The following ZNF592 variants were observed in gnomAD, a reference collection of about 807,000 sequenced individuals.
ZNF592 encodes spinocerebellar ataxia, autosomal recessive 5.
A neutral mutation model predicts 80.3 loss-of-function variants in ZNF592; 11 were observed. The ratio of observed to expected loss-of-function variants is 0.14; its 90% CI spans 0.09 to 0.23. ZNF592 has a LOEUF of 0.23. ZNF592 is among the 10% of genes least tolerant of loss of function. The pLI is 1.00. For missense variants in ZNF592, 1,420 were observed against 1,633.9 expected, an observed-to-expected ratio of 0.87 and a Z score of 2.26; for synonymous variants, 646 against 640.3, an observed-to-expected ratio of 1.01 and a Z score of -0.13.
intron 1 of ZNF592, among the ~76,000 whole-genome samples, chr15:84,763,318 G>A (rs999570430): frequency 6.6e-5 from 10 of 152,208 alleles, no homozygotes; most frequent in Non-Finnish European, 1.3e-4. Flanking sequence ...TGACACTCAG[G>A]TTTGTTAGCC....
chr15:84,773,784 A>T (rs923677664), intron 2 of ZNF592, among the ~76,000 whole-genome samples: 1 of 152,168 alleles, frequency 6.6e-6, no homozygotes, highest in Admixed American at 6.5e-5. Context: ...TCTCATTAGA[A>T]AGCCCTTTCA....
At chr15:84,767,248 A>G (rs1261935430) in intron 2 of ZNF592, among the ~76,000 whole-genome samples, 9 of 152,018 alleles carry the variant, frequency 5.9e-5, no homozygotes. Context: ...GTGGTCTCGA[A>G]CTCCTGAGCT....
Position 84,798,846 on chromosome 15 carries a change from GTGTCCCACAT to G in ZNF592, c.2996_3005del (p.Val999GlyfsTer9). On this transcript the variant is annotated frameshift_variant, in exon 8 of 11. Coordinates refer to ENST00000560079, the MANE Select transcript of ZNF592 (RefSeq NM_014630.3). LOFTEE classifies it high-confidence loss of function. This position sits in a 1 kb window ranked among gnomAD's most constrained non-coding sequence, Gnocchi z 4.5. ...GTGGGTTCCAGATCGGGAGAGCTACGTGTCCCACATGAAAAAGAGCCACGGTCGGGTAAGT... is the reference window on the plus strand; with the variant it reads ...GTGGGTTCCAGATCGGGAGAGCTACGGAAAAAGAGCCACGGTCGGGTAAGT... 6.3e-7 allele frequency: 1 copy of G among 1,599,172 alleles called. No homozygotes were observed. The highest frequency in any genetic ancestry group is 1.1e-5 in the South Asian group (1 of 90,984).
intron 2 of ZNF592, among the ~76,000 whole-genome samples, chr15:84,776,786 T>C (rs1962264380): frequency 6.6e-6 from 1 of 151,660 alleles, no homozygotes; most frequent in African/African-American, 2.4e-5. Context: ...ACCTGGTAGC[T>C]CACGCCTGTA....
chr15:84,800,926 TTAGAA>T (rs1963076818), intron 10 of ZNF592, among the ~76,000 whole-genome samples: 1 of 152,188 alleles, frequency 6.6e-6, no homozygotes, highest in Admixed American at 6.5e-5. Context: ...TGTGCTGCCT[TTAGAA>T]GAATGAAGCC....
chr15:84,757,740 C>G (rs930782050), intron 1 of ZNF592, among the ~76,000 whole-genome samples: 2 of 151,242 alleles, frequency 1.3e-5, no homozygotes, highest in Non-Finnish European at 2.9e-5. Flanking sequence ...CTCACTGCAA[C>G]CTTCACCTCC....
chr15:84,776,754 TCAAAA>T (rs112582281), intron 2 of ZNF592, among the ~76,000 whole-genome samples: 4 of 150,982 alleles, frequency 2.6e-5, no homozygotes, highest in Admixed American at 6.6e-5. Context: ...AGACTCTGTT[TCAAAA>T]CAAAACAAAA....
chr15:84,798,650 A>G lies in ZNF592; in HGVS notation c.2799A>G (p.Thr933=), dbSNP rs1305806349. 3 of 1,613,986 alleles carry G rather than the reference A, an allele frequency of 1.9e-6. No individual in the cohort carries two copies. The highest frequency in any genetic ancestry group is 2.5e-6 in the Non-Finnish European group (3 of 1,180,028). ...ELSSLQSSAD[T]SSSRPGSRVP... ...CAAGCCTCCAGTCTTCAGCGGACAC[A>G]TCCTCAAGCCGCCCTGGCTCTCGAG... The change falls in exon 8 of 11, where the codon ACA becomes ACG. Residue 933 remains threonine (T), a synonymous_variant. Transcript: ENST00000560079. This position sits in a 1 kb window ranked among gnomAD's most constrained non-coding sequence, Gnocchi z 4.5.
chr15:84,758,059 G>A (rs1358077191), intron 1 of ZNF592, among the ~76,000 whole-genome samples: 1 of 148,688 alleles, frequency 6.7e-6, no homozygotes, highest in Non-Finnish European at 1.5e-5. Context: ...TGCCACCTCC[G>A]CCTCCCAGGT....
intron 2 of ZNF592, among the ~76,000 whole-genome samples, chr15:84,777,762 C>T (rs984932117): frequency 2.1e-5 from 3 of 140,920 alleles, no homozygotes; most frequent in African/African-American, 8.0e-5. Context: ...TGCGGTGGCA[C>T]GATCTCAGCT....
chr15:84,790,329 A>G (rs1371879048), intron 4 of ZNF592, among the ~76,000 whole-genome samples: 1 of 152,124 alleles, frequency 6.6e-6, no homozygotes, highest in Non-Finnish European at 1.5e-5. Flanking sequence ...CTGAGCTGTG[A>G]CAGAGACCCT....
chr15:84,775,559 A>G (rs1962223182), intron 2 of ZNF592, among the ~76,000 whole-genome samples: 1 of 152,042 alleles, frequency 6.6e-6, no homozygotes, highest in South Asian at 2.1e-4. Context: ...CGGCCTCCTG[A>G]GTAGCTGGGT....
chr15:84,787,827 C>A (rs1362415662), intron 4 of ZNF592, among the ~76,000 whole-genome samples: 1 of 152,170 alleles, frequency 6.6e-6, no homozygotes. Context: ...GAACATGGGG[C>A]TATACATCAC....
intron 2 of ZNF592, among the ~76,000 whole-genome samples, chr15:84,769,173 T>A (rs1248190139): frequency 6.6e-6 from 1 of 152,094 alleles, no homozygotes; most frequent in Non-Finnish European, 1.5e-5. Flanking sequence ...ACTCCTGACC[T>A]CAGGTGATCA....
intron 2 of ZNF592, among the ~76,000 whole-genome samples, chr15:84,767,264 G>T (rs557377832): frequency 6.6e-6 from 1 of 152,110 alleles, no homozygotes. Flanking sequence ...GAGCTCAGGC[G>T]ATCCGCCCGC....
chr15:84,776,837 G>A (rs1567066081), intron 2 of ZNF592, among the ~76,000 whole-genome samples: 1 of 151,820 alleles, frequency 6.6e-6, no homozygotes, highest in African/African-American at 2.4e-5. Flanking sequence ...GGAATACGAG[G>A]TCAGGAGATC....
chr15:84,761,472 C>T (rs981164687), intron 1 of ZNF592, among the ~76,000 whole-genome samples: 4 of 152,302 alleles, frequency 2.6e-5, no homozygotes, highest in Admixed American at 2.6e-4. Context: ...TGCTGTGTGG[C>T]TGCCTTGACA....
chr15:84,796,267 T>TTATATATATATTATATATATA, intron 5 of ZNF592, among the ~76,000 whole-genome samples: 1 of 44,252 alleles, frequency 2.3e-5, no homozygotes. Flanking sequence ...TATATATATT[T>TTATATATATATTATATATATA]TATATATATA....
chr15:84,797,054 C>T (rs1390300447), intron 5 of ZNF592, among the ~76,000 whole-genome samples: 1 of 152,172 alleles, frequency 6.6e-6, no homozygotes, highest in Non-Finnish European at 1.5e-5. Flanking sequence ...ACCTCTGCCT[C>T]CCGGGTTCAA....
Sources: allele counts gnomAD v4.1 joint callset (sites outside exome capture counted in the v4.1 genomes callset), GRCh38; gene constraint gnomAD v4.1.1; non-coding constraint Gnocchi (gnomAD v3.1); transcripts MANE v1.5; gene names NCBI Gene and HGNC (gene_info 2026-07-23, HGNC 2026-07-21).